The following TRPS1 variants were observed in gnomAD, a reference collection of about 807,000 sequenced individuals.
TRPS1 encodes the protein zinc finger transcription factor Trps1.
TRPS1 carries 6 observed loss-of-function variants against 101.2 expected under a neutral mutation model. The observed-to-expected ratio is 0.06, with a 90% CI of 0.03 to 0.12. The LOEUF is 0.12. Among genes scored for constraint, TRPS1 ranks in the 10% least tolerant of loss-of-function variants. TRPS1 has a pLI of 1.00. For synonymous variants in TRPS1, 578 were observed against 589.8 expected (o/e 0.98, Z 0.29); for missense variants, 1,363 against 1,567.0 (o/e 0.87, Z 2.20).
At chr8:115,583,295 A>T (rs2130433279) in intron 5 of TRPS1, among the ~76,000 whole-genome samples, 1 of 152,216 alleles carries the variant, frequency 6.6e-6, no homozygotes, top group East Asian at 1.9e-4. Flanking sequence ...TCAGAAAAGT[A>T]TACAACTTTA....
chr8:115,546,899 T>C (rs969648691), intron 5 of TRPS1, among the ~76,000 whole-genome samples: 1 of 152,140 alleles, frequency 6.6e-6, no homozygotes, highest in African/African-American at 2.4e-5. Context: ...GAGGCAATTA[T>C]TAAATAATTC....
At chr8:115,532,048 ACACT>A (rs1816145751) in intron 5 of TRPS1, among the ~76,000 whole-genome samples, 1 of 152,160 alleles carries the variant, frequency 6.6e-6, no homozygotes, top group African/African-American at 2.4e-5. Flanking sequence ...AGGGCTACTG[ACACT>A]CACGATGTTG....
chr8:115,487,806 C>A (rs77664006), intron 5 of TRPS1, among the ~76,000 whole-genome samples: 2,011 of 152,212 alleles, frequency 0.013, 45 homozygotes, highest in African/African-American at 0.046. Flanking sequence ...AAAGTGGTTT[C>A]TAAGAAGAAA....
At chr8:115,460,647 C>T (rs371770540) in intron 5 of TRPS1, among the ~76,000 whole-genome samples, 2 of 151,772 alleles carry the variant, frequency 1.3e-5, no homozygotes, top group East Asian at 3.9e-4. Flanking sequence ...GATCTAGAAA[C>T]TTAACTGTTT....
At chr8:115,550,520 C>T (rs1816678750) in intron 5 of TRPS1, among the ~76,000 whole-genome samples, 1 of 152,152 alleles carries the variant, frequency 6.6e-6, no homozygotes, top group Non-Finnish European at 1.5e-5. Flanking sequence ...AATGCAAATT[C>T]ATATAAAGTA....
intron 1 of TRPS1, among the ~76,000 whole-genome samples, chr8:115,624,987 CAT>C (rs1158121209): frequency 2.2e-4 from 34 of 151,640 alleles, no homozygotes; most frequent in Non-Finnish European, 1.8e-4. Context: ...CATTTAATGA[CAT>C]ATTTACTCCA....
At chr8:115,535,836 TAA>T (rs1032023040) in intron 5 of TRPS1, among the ~76,000 whole-genome samples, 9 of 151,812 alleles carry the variant, frequency 5.9e-5, no homozygotes, top group African/African-American at 2.2e-4. Flanking sequence ...GGATACCAGT[TAA>T]AGTTAGTGCT....
intron 5 of TRPS1, among the ~76,000 whole-genome samples, chr8:115,561,447 TC>T (rs1816943129): frequency 1.3e-5 from 2 of 150,644 alleles, no homozygotes; most frequent in African/African-American, 5.0e-5. Flanking sequence ...GATATTTTGT[TC>T]TCTCAACTTC....
chr8:115,660,740 TG>T (rs1811774537), intron 1 of TRPS1, among the ~76,000 whole-genome samples: 1 of 152,026 alleles, frequency 6.6e-6, no homozygotes, highest in Non-Finnish European at 1.5e-5. Flanking sequence ...AAATTTAATA[TG>T]TACATTAACT....
At chr8:115,500,975 T>C (rs1815303249) in intron 5 of TRPS1, among the ~76,000 whole-genome samples, 1 of 124,622 alleles carries the variant, frequency 8.0e-6, no homozygotes, top group Non-Finnish European at 1.7e-5. Flanking sequence ...ATTCTTCCCA[T>C]GTGTATGTAG....
chr8:115,644,510 G>A (rs1159889632), intron 1 of TRPS1, among the ~76,000 whole-genome samples: 2 of 152,230 alleles, frequency 1.3e-5, no homozygotes, highest in Admixed American at 6.5e-5. Flanking sequence ...CTGAGGGAAT[G>A]TCGTGGCTGG....
At chr8:115,497,380 T>C (rs1815176156) in intron 5 of TRPS1, among the ~76,000 whole-genome samples, 1 of 152,222 alleles carries the variant, frequency 6.6e-6, no homozygotes, top group South Asian at 2.1e-4. Context: ...CGGGCCATCA[T>C]GCTCCCTCAA....
chr8:115,549,485 T>A (rs1586391376), intron 5 of TRPS1, among the ~76,000 whole-genome samples: 1 of 152,266 alleles, frequency 6.6e-6, no homozygotes, highest in African/African-American at 2.4e-5. Flanking sequence ...AATGTTCTCA[T>A]ATATAGTCCA....
At chr8:115,483,885 A>G (rs1814817218) in intron 5 of TRPS1, among the ~76,000 whole-genome samples, 1 of 152,200 alleles carries the variant, frequency 6.6e-6, no homozygotes, top group South Asian at 2.1e-4. Flanking sequence ...AAAAGCATAT[A>G]AAAGATACAA....
chr8:115,481,387 A>G (rs1468392363), intron 5 of TRPS1, among the ~76,000 whole-genome samples: 2 of 151,892 alleles, frequency 1.3e-5, no homozygotes, highest in Non-Finnish European at 2.9e-5. Flanking sequence ...TCACTTTACT[A>G]TAAAAATCAA....
intron 5 of TRPS1, among the ~76,000 whole-genome samples, chr8:115,470,561 G>A (rs1380321516): frequency 2.0e-5 from 3 of 152,096 alleles, no homozygotes; most frequent in East Asian, 1.9e-4. Flanking sequence ...TAAAAAATAA[G>A]TCCTTTTGTT....
intron 5 of TRPS1, among the ~76,000 whole-genome samples, chr8:115,468,068 G>A (rs1430546749): frequency 6.6e-6 from 1 of 152,142 alleles, no homozygotes; most frequent in Non-Finnish European, 1.5e-5. Context: ...TGACAAACTA[G>A]AGCACTGCTT....
At chr8:115,610,415 T>C (rs1357326250) in intron 3 of TRPS1, among the ~76,000 whole-genome samples, 3 of 152,176 alleles carry the variant, frequency 2.0e-5, no homozygotes, top group African/African-American at 7.2e-5. Context: ...GAATATAGAG[T>C]GTGCTTCAGT....
chr8:115,602,008 TG>T (rs918754750), intron 4 of TRPS1, among the ~76,000 whole-genome samples: 1 of 152,152 alleles, frequency 6.6e-6, no homozygotes, highest in African/African-American at 2.4e-5. Context: ...TTTTATTTCT[TG>T]GGGGATTATT....
Sources: allele counts gnomAD v4.1 joint callset (sites outside exome capture counted in the v4.1 genomes callset), GRCh38; gene constraint gnomAD v4.1.1; transcripts MANE v1.5; gene names NCBI Gene and HGNC (gene_info 2026-07-23, HGNC 2026-07-21).